PXK: variants seen among roughly 807,000 people sequenced by gnomAD.
PXK encodes PX domain-containing protein kinase-like protein.
Under a neutral mutation model 84.7 loss-of-function variants are expected in PXK, and 35 were observed. The ratio of observed to expected loss-of-function variants is 0.41; its 90% confidence interval spans 0.32 to 0.55. The LOEUF (loss-of-function observed/expected upper bound fraction) is 0.55, where lower values mean the gene tolerates loss of function less well. Among genes scored for constraint, PXK ranks in the 20% least tolerant of loss-of-function variants. The pLI, the probability that PXK is intolerant of heterozygous loss-of-function variation, is 0.21. For synonymous variants in PXK, 253 were observed against 260.8 expected, an observed-to-expected ratio of 0.97 and a Z score of 0.29; for missense variants, 634 against 699.7, an observed-to-expected ratio of 0.91 and a Z score of 1.06.
intron 3 of PXK, among the ~76,000 whole-genome samples, chr3:58,371,733 T>G (rs950967028): frequency 6.6e-6 from 1 of 152,224 alleles, no homozygotes; most frequent in Non-Finnish European, 1.5e-5. Context: ...ATTTTACCTT[T>G]TAAAATGGGG....
intron 1 of PXK, among the ~76,000 whole-genome samples, chr3:58,334,988 G>A (rs2097565051): frequency 8.7e-6 from 1 of 115,224 alleles, no homozygotes; most frequent in African/African-American, 3.0e-5. Flanking sequence ...TGTGTGTGTA[G>A]AGACAGCGTC....
chr3:58,336,065 ATATATAT>A (rs1335436029), intron 1 of PXK, among the ~76,000 whole-genome samples: 42 of 57,138 alleles, frequency 7.4e-4, no homozygotes, highest in South Asian at 2.0e-3. Context: ...ATATATATAT[ATATATAT>A]TTTTTTTTTT....
chr3:58,358,877 A>G (rs144538776), intron 1 of PXK, among the ~76,000 whole-genome samples: 245 of 152,338 alleles, frequency 1.6e-3, no homozygotes, highest in African/African-American at 5.6e-3. Flanking sequence ...TCTTGCTGCT[A>G]CTGCTTCCCA....
intron 12 of PXK, among the ~76,000 whole-genome samples, chr3:58,402,670 A>T (rs2058762971): frequency 6.6e-6 from 1 of 150,818 alleles, no homozygotes; most frequent in Non-Finnish European, 1.5e-5. Flanking sequence ...ACCTCAGGTG[A>T]TCCACCTGCC....
chr3:58,382,987 C>T (rs1355421400), intron 4 of PXK, among the ~76,000 whole-genome samples: 1 of 152,166 alleles, frequency 6.6e-6, no homozygotes, highest in Non-Finnish European at 1.5e-5. Context: ...CCTGACAGAA[C>T]AGAGAGTAAG....
At chr3:58,347,840 AT>A (rs948062332) in intron 1 of PXK, among the ~76,000 whole-genome samples, 2 of 152,188 alleles carry the variant, frequency 1.3e-5, no homozygotes, top group African/African-American at 4.8e-5. Flanking sequence ...TGCATTAGTT[AT>A]TATCCCAGTT....
At chr3:58,366,863 A>G (rs1483583518) in intron 2 of PXK, among the ~76,000 whole-genome samples, 1 of 152,206 alleles carries the variant, frequency 6.6e-6, no homozygotes, top group African/African-American at 2.4e-5. Flanking sequence ...CAGTTAGATC[A>G]TTGGCAGAGT....
chr3:58,383,947 C>A lies in PXK; in HGVS notation c.388+1247C>A, dbSNP rs2098528693. On this transcript the variant is annotated intron_variant, in intron 4 of 17. Transcript: ENST00000356151. This position sits in a 1 kb window ranked among gnomAD's most constrained non-coding sequence, Gnocchi z 4.0. ...TACCCATTCATTCACCAAAATATTC[C>A]TATTTCAGAGAGGGGAAACAGATGT... is the stretch of plus-strand genomic sequence containing the variant. Among the ~76,000 whole-genome samples the A allele has an allele frequency of 6.6e-6, 1 of 152,036 alleles. No homozygotes were observed. The highest frequency in any genetic ancestry group is 1.5e-5 in the Non-Finnish European group (1 of 68,010).
intron 1 of PXK, among the ~76,000 whole-genome samples, chr3:58,362,917 C>T (rs1418616522): frequency 6.6e-6 from 1 of 152,080 alleles, no homozygotes; most frequent in East Asian, 1.9e-4. Flanking sequence ...GGAGTTTCAC[C>T]ATGTTGCCCA....
At chr3:58,406,614 C>T (rs1000396124) in intron 13 of PXK, among the ~76,000 whole-genome samples, 3 of 152,156 alleles carry the variant, frequency 2.0e-5, no homozygotes, top group Non-Finnish European at 4.4e-5. Context: ...AATTTACTCT[C>T]TGAACCATTT....
At chr3:58,336,071 A>ATTTTTT (rs1171021563) in intron 1 of PXK, among the ~76,000 whole-genome samples, 6 of 51,578 alleles carry the variant, frequency 1.2e-4, no homozygotes, top group Non-Finnish European at 2.0e-4. Flanking sequence ...ATATATATAT[A>ATTTTTT]TTTTTTTTTT....
At chr3:58,391,749 T>C (rs781766838) in intron 6 of PXK, 24 bp from the exon 7 acceptor site, 1 of 1,596,732 alleles carries the variant, frequency 6.3e-7, no homozygotes, top group Admixed American at 1.7e-5. Flanking sequence ...AACAGTACCC[T>C]GATATTCCCT....
At chr3:58,369,942 C>T (rs917199258) in intron 3 of PXK, among the ~76,000 whole-genome samples, 1 of 151,954 alleles carries the variant, frequency 6.6e-6, no homozygotes, top group African/African-American at 2.4e-5. Context: ...TAAAGTATTC[C>T]CAAAAATAAA....
Position 58,389,682 on chromosome 3 carries a change from A to AAC in PXK, c.389-899_389-898insCA, listed in dbSNP as rs1428394806. Among the ~76,000 whole-genome samples, 730 of 151,586 alleles carry AAC rather than the reference A, an allele frequency of 4.8e-3. 16 individuals carry two copies. The East Asian group carries it at 0.053, about 11-fold the overall frequency. On this transcript the variant is annotated intron_variant, in intron 4 of 17. Transcript: ENST00000356151. ...CTAAAAAAAACAAAAACAAACAAAA[A>AAC]AAAAAACCACACGCACCAGAAATTA...
chr3:58,396,939 T>A (rs1028496232), intron 9 of PXK, 100 bp from the exon 10 acceptor site: 5 of 1,270,104 alleles, frequency 3.9e-6, no homozygotes, highest in Non-Finnish European at 5.4e-6. Flanking sequence ...GTGACCTGTT[T>A]GGTTTTGTTT....
In PXK at chr3:58,370,793, G is replaced by A. The variant is rs904812495; in HGVS notation, c.201+1315G>A. Among the ~76,000 whole-genome samples, 5 of 152,192 alleles carry A rather than the reference G, an allele frequency of 3.3e-5. No homozygotes were observed. Among genetic ancestry groups the A allele is most frequent in the African/African-American group, 1.2e-4 (5 of 41,450 alleles). On this transcript the variant is annotated intron_variant, in intron 3 of 17. Transcript: ENST00000356151. The surrounding 1 kb of genome is among the most constrained non-coding windows in gnomAD (Gnocchi z 4.2). ...GCGGGTGGATCACCTGAGGTCAGGA[G>A]TTCAAGACCAGCCTGGCTAACATGG...
At chr3:58,336,104 T>A (rs1359745075) in intron 1 of PXK, among the ~76,000 whole-genome samples, 1 of 141,654 alleles carries the variant, frequency 7.1e-6, no homozygotes, top group Non-Finnish European at 1.5e-5. Context: ...CCAATGGGGT[T>A]CTTGCTGTGT....
chr3:58,423,753 C>T (rs1001431950), intron 17 of PXK, among the ~76,000 whole-genome samples: 8 of 152,142 alleles, frequency 5.3e-5, no homozygotes, highest in Non-Finnish European at 7.3e-5. Flanking sequence ...TCACAGGAGA[C>T]GAGGCAACTA....
In PXK at chr3:58,425,043, A is replaced by G; in HGVS notation, c.*83A>G. ...CCCCAAACTACCCTCTTCCTGGGAA[A>G]GTAATTGCTGAGCCAGTACAGCCAC... On this transcript the variant is annotated 3_prime_UTR_variant, in exon 18 of 18. Transcript: ENST00000356151. 1 of 1,542,146 alleles carries G rather than the reference A, an allele frequency of 6.5e-7. No individual in the cohort carries two copies. Among genetic ancestry groups the G allele is most frequent in the African/African-American group, 1.4e-5 (1 of 73,464 alleles).
Sources: gnomAD v4.1 joint callset for allele counts (sites outside exome capture counted in the v4.1 genomes callset) on GRCh38, gnomAD v4.1.1 for gene constraint, Gnocchi (gnomAD v3.1) non-coding constraint, MANE v1.5 for transcripts, NCBI Gene and HGNC (gene_info 2026-07-23, HGNC 2026-07-21) for gene names.